ARHGEF19: variants seen among roughly 807,000 people sequenced by gnomAD.
The protein encoded by ARHGEF19 is Rho guanine nucleotide exchange factor (GEF) 19.
A neutral mutation model predicts 87.6 loss-of-function variants in ARHGEF19; 92 were observed. The observed-to-expected ratio is 1.05, with a 90% CI of 0.89 to 1.25. The LOEUF (loss-of-function observed/expected upper bound fraction) is 1.25, where lower values mean the gene tolerates loss of function less well. ARHGEF19 is among the 50% of genes most tolerant of loss of function. The pLI is 0.00. For missense variants in ARHGEF19, 1,054 were observed against 1,051.8 expected (o/e 1.00, Z -0.03); for synonymous variants, 438 against 446.2 (o/e 0.98, Z 0.23).
At chr1:16,208,558 G>T in intron 2 of ARHGEF19, 85 bp downstream of exon 2, 1 of 1,450,054 alleles carries the variant, frequency 6.9e-7, no homozygotes, top group Non-Finnish European at 9.1e-7. Context: ...GGGGAACCTT[G>T]GGACATAAAG....
At chr1:16,204,284 CAG>C (rs34588654) in intron 12 of ARHGEF19, among the ~76,000 whole-genome samples, 37,006 of 152,122 alleles carry the variant, frequency 0.24, 4,846 homozygotes, top group South Asian at 0.39. Context: ...GTGCTGCCAT[CAG>C]ACAGAGCTGG....
At chr1:16,203,134 T>C (rs1158870565) in intron 12 of ARHGEF19, among the ~76,000 whole-genome samples, 5 of 152,190 alleles carry the variant, frequency 3.3e-5, no homozygotes, top group East Asian at 1.9e-4. Flanking sequence ...TGTCTGATGA[T>C]ACTGCCTGAC....
Position 16,207,925 on chromosome 1 carries a change from C to T in ARHGEF19, c.694+19G>A, listed in dbSNP as rs775049366. ...CCCGGCATCTGGCTGCCCTCAGGGC[C>T]CATGGGAGGAGCTGGTACCTTCCCG... On this transcript the variant is annotated intron_variant, in intron 3 of 15. Transcript: ENST00000270747. The surrounding 1 kb of genome is among the most constrained non-coding windows in gnomAD (Gnocchi z 4.0). 27 of 1,599,296 alleles carry T rather than the reference C, an allele frequency of 1.7e-5. No homozygotes were observed. The highest frequency in any genetic ancestry group is 2.3e-5 in the Non-Finnish European group (27 of 1,172,304).
At position 16,206,085 on chromosome 1, in the gene ARHGEF19, T is replaced by G; in HGVS notation, c.1299-2A>C. On this transcript the variant is annotated splice_acceptor_variant, in intron 7 of 15. Coordinates refer to ENST00000270747, the MANE Select transcript of ARHGEF19 (RefSeq NM_153213.5). LOFTEE classifies it high-confidence loss of function. The surrounding 1 kb of genome is among the most constrained non-coding windows in gnomAD (Gnocchi z 4.6). ...CGCTGCTCCAGGTCCTGCAGGAACC[T>G]GAGGAGTCAGAGCCAGGATGGAGAC... The G allele has an allele frequency of 6.3e-7, 1 of 1,578,460 alleles. No individual in the cohort carries two copies. Among genetic ancestry groups the G allele is most frequent in the South Asian group, 1.2e-5 (1 of 86,636 alleles).
Position 16,207,496 on chromosome 1 carries a change from C to G in ARHGEF19, c.874+26G>C. On this transcript the variant is annotated intron_variant, in intron 5 of 15. Transcript: ENST00000270747. This position sits in a 1 kb window ranked among gnomAD's most constrained non-coding sequence, Gnocchi z 4.0. ...CCGCAGCCCCTTCCTCCGTTACCTC[C>G]TCCCAGGGACCCCCCTCCCACGTAC... 1 of 1,612,374 alleles carries G rather than the reference C, an allele frequency of 6.2e-7. No individual in the cohort carries two copies. The highest frequency in any genetic ancestry group is 1.1e-5 in the South Asian group (1 of 91,008).
rs1358037086 is a variant in ARHGEF19 at position 16,202,408 on chromosome 1, C to T, written c.2066+8G>A. Reference sequence around the variant, plus strand: ...AGCCTCCTCTCTCCCATATCCAGGCCCACTCACTCCGTCCGGGCCCGCAGC... The same window carrying T: ...AGCCTCCTCTCTCCCATATCCAGGCTCACTCACTCCGTCCGGGCCCGCAGC... On this transcript the variant is annotated splice_region_variant and intron_variant, in intron 13 of 15. Coordinates refer to ENST00000270747, the MANE Select transcript of ARHGEF19 (RefSeq NM_153213.5). 2 of 1,606,510 alleles carry T rather than the reference C, an allele frequency of 1.2e-6. No individual in the cohort carries two copies.
At chr1:16,209,164 A>C in intron 1 of ARHGEF19, 81 bp from the exon 2 acceptor site, 1 of 1,057,228 alleles carries the variant, frequency 9.5e-7, no homozygotes, top group Non-Finnish European at 1.3e-6. Context: ...GCCTGGACAA[A>C]CCCCTGTGTA....
chr1:16,207,318 G>A lies in ARHGEF19; in HGVS notation c.875-108C>T. On this transcript the variant is annotated intron_variant, in intron 5 of 15. Coordinates refer to ENST00000270747, the MANE Select transcript of ARHGEF19 (RefSeq NM_153213.5). This position sits in a 1 kb window ranked among gnomAD's most constrained non-coding sequence, Gnocchi z 4.0. ...GTCACTTAACCTTTGCCGCGGTTCG[G>A]ATATCTGGACACAGTGAATTCATTC... is the stretch of plus-strand genomic sequence containing the variant. 1 of 1,416,256 alleles carries A rather than the reference G, an allele frequency of 7.1e-7. No homozygotes were observed. The highest frequency in any genetic ancestry group is 9.3e-7 in the Non-Finnish European group (1 of 1,078,860). The allele number at this position is 1,416,256 out of a possible 1,614,324, so 87.7% of individuals were successfully genotyped here.
At position 16,198,795 on chromosome 1, in the gene ARHGEF19, G is replaced by A. The variant is rs2100258375; in HGVS notation, c.2252-51C>T. The A allele has an allele frequency of 6.5e-7, 1 of 1,540,804 alleles. No individual in the cohort carries two copies. Among genetic ancestry groups the A allele is most frequent in the Non-Finnish European group, 8.8e-7 (1 of 1,141,486 alleles). The stretch of plus-strand genomic sequence containing the variant: ...CAGCATCAAAGGGGTACCAGGGCCA[G>A]GCCTGGAAGGGAACACCACAGCCCT... On this transcript the variant is annotated intron_variant, in intron 15 of 15. Coordinates refer to ENST00000270747, the MANE Select transcript of ARHGEF19 (RefSeq NM_153213.5). The surrounding 1 kb of genome is among the most constrained non-coding windows in gnomAD (Gnocchi z 4.1).
At chr1:16,204,968 A>C (rs1322825614) in intron 11 of ARHGEF19, 49 bp from the exon 12 acceptor site, 28 of 1,575,488 alleles carry the variant, frequency 1.8e-5, no homozygotes, top group Non-Finnish European at 2.2e-5. Flanking sequence ...CCAGGCAGAG[A>C]GCACAAGATG....
chr1:16,204,961 G>A, intron 11 of ARHGEF19, 42 bp from the exon 12 acceptor site: 1 of 1,579,460 alleles, frequency 6.3e-7, no homozygotes, highest in Non-Finnish European at 8.6e-7. Context: ...AGGGGCACCA[G>A]GCAGAGAGCA....
In ARHGEF19 at chr1:16,207,202, A is replaced by G. The variant is rs865985978; in HGVS notation, c.883T>C (p.Tyr295His). 6.6e-7 allele frequency: 1 copy of G among 1,524,894 alleles called. No individual in the cohort carries two copies. The highest frequency in any genetic ancestry group is 8.8e-7 in the Non-Finnish European group (1 of 1,140,812). 94.5% of individuals were successfully genotyped at this position (1,524,894 alleles called of 1,614,324 possible). The change falls in exon 6 of 16, where the codon TAT becomes CAT. Residue 295 changes from tyrosine (Y) to histidine (H), a missense_variant. Transcript: ENST00000270747. This position sits in a 1 kb window ranked among gnomAD's most constrained non-coding sequence, Gnocchi z 4.0. The part of the protein sequence containing the change: ...QSRFLLNSVL[Y>H]QEYSDVASAR... Reference sequence around the variant, plus strand: ...CTGGCCACGTCGCTGTATTCCTGATAGAGGACGGCTGGGGGAAAGACGGGC... The same window carrying G: ...CTGGCCACGTCGCTGTATTCCTGATGGAGGACGGCTGGGGGAAAGACGGGC...
rs2081060436 is a variant in ARHGEF19, at chr1:16,198,769, A to G, written c.2252-25T>C. On this transcript the variant is annotated intron_variant, in intron 15 of 15. Transcript: ENST00000270747. The surrounding 1 kb of genome is among the most constrained non-coding windows in gnomAD (Gnocchi z 4.1). ...CCTAGGGACACATAGGCCAAGAACA[A>G]CAGCATCAAAGGGGTACCAGGGCCA... The G allele has an allele frequency of 2.5e-6, 4 of 1,576,532 alleles. No individual in the cohort carries two copies. In the South Asian group the frequency reaches 3.4e-5, roughly 14 times the overall value.
In ARHGEF19 at chr1:16,198,863, T is replaced by A; in HGVS notation, c.2252-119A>T. 8.1e-7 allele frequency: 1 copy of A among 1,232,098 alleles called. No individual in the cohort carries two copies. Among genetic ancestry groups the A allele is most frequent in the South Asian group, 1.5e-5 (1 of 65,326 alleles). 76.3% of individuals were successfully genotyped at this position (1,232,098 alleles called of 1,614,324 possible). On this transcript the variant is annotated intron_variant, in intron 15 of 15. Transcript: ENST00000270747. This position sits in a 1 kb window ranked among gnomAD's most constrained non-coding sequence, Gnocchi z 4.1. ...CACCCTTGGGGCCAAGGTGACATCA[T>A]CTCAGCATCTCTCAGCTCCAGGAAG...
chr1:16,204,950 C>G, intron 11 of ARHGEF19, 31 bp from the exon 12 acceptor site: 1 of 1,584,304 alleles, frequency 6.3e-7, no homozygotes, highest in African/African-American at 1.3e-5. Flanking sequence ...GGGTCAGGCC[C>G]AGGGGCACCA....
chr1:16,201,974 G>A (rs1557538261), intron 13 of ARHGEF19, 113 bp from the exon 14 acceptor site: 4 of 1,113,532 alleles, frequency 3.6e-6, no homozygotes, highest in African/African-American at 1.5e-5. Context: ...TAGGACCCAG[G>A]CCTACCCTAG....
In ARHGEF19 at chr1:16,198,724, G is replaced by A. The variant is rs752531981; in HGVS notation, c.2272C>T (p.Leu758=). The change falls in exon 16 of 16, where the codon CTG becomes TTG. Residue 758 remains leucine (L), a synonymous_variant. Coordinates refer to ENST00000270747, the MANE Select transcript of ARHGEF19 (RefSeq NM_153213.5). The surrounding 1 kb of genome is among the most constrained non-coding windows in gnomAD (Gnocchi z 4.1). ...ACCCACCCCTTCTCACCATCTGCCAGGCGGACCCCTTCCAGCCAGCCTAGG... is the reference window on the plus strand; with the variant it reads ...ACCCACCCCTTCTCACCATCTGCCAAGCGGACCCCTTCCAGCCAGCCTAGG... The part of the protein sequence containing the change: ...TSDGWLEGVR[L]ADGEKGWVPQ... 1 of 1,608,870 alleles carries A rather than the reference G, an allele frequency of 6.2e-7. No homozygotes were observed. Among genetic ancestry groups the A allele is most frequent in the African/African-American group, 1.3e-5 (1 of 74,860 alleles).
At chr1:16,202,875 T>TTTTTG (rs201420134) in intron 12 of ARHGEF19, among the ~76,000 whole-genome samples, 1 of 152,040 alleles carries the variant, frequency 6.6e-6, no homozygotes, top group African/African-American at 2.4e-5. Context: ...GTTTTTTGGC[T>TTTTTG]TTTTGTTTTG....
chr1:16,208,634 G>T lies in ARHGEF19; in HGVS notation c.412+9C>A. 1 of 1,595,640 alleles carries T rather than the reference G, an allele frequency of 6.3e-7. No homozygotes were observed. Among genetic ancestry groups the T allele is most frequent in the Non-Finnish European group, 8.5e-7 (1 of 1,174,232 alleles). On this transcript the variant is annotated intron_variant, in intron 2 of 15. Coordinates refer to ENST00000270747, the MANE Select transcript of ARHGEF19 (RefSeq NM_153213.5). Reference sequence around the variant, plus strand: ...GGCACCCACACCCGCCTTCCCCAGGGTGACTCACAGGCAGACTTCTTCTCC... The same window carrying T: ...GGCACCCACACCCGCCTTCCCCAGGTTGACTCACAGGCAGACTTCTTCTCC...
Sources: gnomAD v4.1 joint callset for allele counts (sites outside exome capture counted in the v4.1 genomes callset) on GRCh38, gnomAD v4.1.1 for gene constraint, Gnocchi (gnomAD v3.1) non-coding constraint, MANE v1.5 for transcripts, NCBI Gene and HGNC (gene_info 2026-07-23, HGNC 2026-07-21) for gene names.